Variants in ERC1 observed in about 807,000 individuals in gnomAD.
ERC1 encodes the protein ELKS/RAB6-interacting/CAST family member 1.
Under a neutral mutation model 132.0 loss-of-function variants are expected in ERC1, and 56 were observed. That is an observed-to-expected ratio of 0.42 (90% CI 0.34 to 0.53). The LOEUF is 0.53. Ranked by LOEUF, ERC1 falls within the 20% of genes least tolerant of loss-of-function variation. ERC1 has a pLI of 0.03. For missense variants in ERC1, 1,202 were observed against 1,349.9 expected, an observed-to-expected ratio of 0.89 and a Z score of 1.72; for synonymous variants, 478 against 476.1, an observed-to-expected ratio of 1.00 and a Z score of -0.05.
intron 7 of ERC1, among the ~76,000 whole-genome samples, chr12:1,127,012 A>AAAAAAAAAAAC (rs1566033121): frequency 1.3e-5 from 2 of 149,392 alleles, no homozygotes; most frequent in Non-Finnish European, 3.0e-5. Flanking sequence ...AAAAAAAAAA[A>AAAAAAAAAAAC]ACCTCAAAAA....
At chr12:1,181,133 C>T (rs891454354) in intron 9 of ERC1, among the ~76,000 whole-genome samples, 16 of 152,164 alleles carry the variant, frequency 1.1e-4, no homozygotes, top group African/African-American at 3.4e-4. Flanking sequence ...GATTTTCAAA[C>T]TTCTTGAGTA....
Position 1,093,271 on chromosome 12 carries a change from CA to C in ERC1, c.1086+9692del, listed in dbSNP as rs1478178812. ...GTATTTTCTGTTTGTACTCAAATCA[CA>C]TTGTTGTTTGACCGCTTATTCTTAG... On this transcript the variant is annotated intron_variant, in intron 3 of 18. Coordinates refer to ENST00000360905, the MANE Select transcript of ERC1 (RefSeq NM_178040.4). 1.1e-4 allele frequency among the ~76,000 whole-genome samples: 17 copies of C among 149,660 alleles called. No individual in the cohort carries two copies. In the East Asian group the frequency reaches 2.5e-3, roughly 22 times the overall value.
chr12:1,480,340 C>T lies in ERC1; in HGVS notation c.3214-9753C>T, dbSNP rs1396854643. Among the ~76,000 whole-genome samples the T allele has an allele frequency of 3.9e-5, 6 of 152,124 alleles. No individual in the cohort carries two copies. The East Asian group carries it at 5.8e-4, about 15-fold the overall frequency. On this transcript the variant is annotated intron_variant, in intron 18 of 18. Coordinates refer to ENST00000360905, the MANE Select transcript of ERC1 (RefSeq NM_178040.4). ...TTTTAGATACAAGGTTTTCAGCACA[C>T]GCACAGAAGATGGCATCTGCACATC... is the stretch of plus-strand genomic sequence containing the variant.
chr12:1,155,302 G>A (rs1229569148), intron 8 of ERC1, among the ~76,000 whole-genome samples: 8 of 125,050 alleles, frequency 6.4e-5, no homozygotes, highest in Admixed American at 3.0e-4. Flanking sequence ...CTCACAGGGC[G>A]AGACTTCATC....
At chr12:1,347,504 G>A (rs1422710992) in intron 15 of ERC1, among the ~76,000 whole-genome samples, 1 of 152,028 alleles carries the variant, frequency 6.6e-6, no homozygotes. Context: ...TCTATACTCA[G>A]CAATTTTCAA....
At chr12:1,438,970 T>A (rs2093026964) in intron 17 of ERC1, among the ~76,000 whole-genome samples, 2 of 145,176 alleles carry the variant, frequency 1.4e-5, no homozygotes, top group African/African-American at 2.8e-5. Flanking sequence ...TATATATATA[T>A]AAAAAATGAC....
chr12:1,129,314 CAACAACAACAAAACT>C (rs900701172), intron 7 of ERC1, among the ~76,000 whole-genome samples: 2 of 17,338 alleles, frequency 1.2e-4, no homozygotes, highest in African/African-American at 1.2e-4. Context: ...CCACAAACAA[CAACAACAACAAAACT>C]AACAACAACA....
chr12:1,296,182 G>C (rs1227936282), intron 15 of ERC1, among the ~76,000 whole-genome samples: 1 of 151,956 alleles, frequency 6.6e-6, no homozygotes, highest in Admixed American at 6.6e-5. Context: ...TTAAATACCA[G>C]CCAGGTGTGG....
At chr12:1,413,458 A>C (rs1265934322) in intron 17 of ERC1, among the ~76,000 whole-genome samples, 1 of 152,000 alleles carries the variant, frequency 6.6e-6, no homozygotes, top group African/African-American at 2.4e-5. Context: ...GCTGGGTGTC[A>C]TGGCAGGCAC....
At chr12:1,237,023 C>A in intron 13 of ERC1, 119 bp downstream of exon 13, 1 of 1,218,564 alleles carries the variant, frequency 8.2e-7, no homozygotes, top group Non-Finnish European at 1.1e-6. Flanking sequence ...TGCTTGCTGC[C>A]TTCCTCTCAG....
chr12:1,308,416 T>G (rs772368604), intron 15 of ERC1, among the ~76,000 whole-genome samples: 4 of 152,200 alleles, frequency 2.6e-5, no homozygotes, highest in Admixed American at 6.5e-5. Flanking sequence ...ATGCATAAAT[T>G]GAAAGAATAC....
intron 13 of ERC1, among the ~76,000 whole-genome samples, chr12:1,240,328 G>A (rs144680115): frequency 9.9e-4 from 151 of 152,182 alleles, no homozygotes; most frequent in African/African-American, 3.4e-3. Context: ...GTGACATGGG[G>A]TGTATGATAT....
chr12:1,453,853 G>A (rs995202417), intron 18 of ERC1, among the ~76,000 whole-genome samples: 1 of 151,984 alleles, frequency 6.6e-6, no homozygotes, highest in Non-Finnish European at 1.5e-5. Flanking sequence ...GTATGATATT[G>A]TGATATAATA....
intron 18 of ERC1, among the ~76,000 whole-genome samples, chr12:1,485,206 T>C (rs1165754860): frequency 7.3e-6 from 1 of 137,150 alleles, no homozygotes; most frequent in Non-Finnish European, 1.6e-5. Context: ...TATTTCTTTT[T>C]TTTTTTTTTT....
intron 1 of ERC1, among the ~76,000 whole-genome samples, chr12:1,027,025 A>G (rs1967003391): frequency 6.6e-6 from 1 of 152,222 alleles, no homozygotes; most frequent in African/African-American, 2.4e-5. Context: ...CTCATCCATG[A>G]ACACAGATAA....
chr12:1,092,647 A>T (rs778487164), intron 3 of ERC1, among the ~76,000 whole-genome samples: 5 of 152,168 alleles, frequency 3.3e-5, no homozygotes, highest in Non-Finnish European at 2.9e-5. Flanking sequence ...AAAAAAACTA[A>T]CTCTTGCAAT....
chr12:1,376,120 G>A (rs894689014), intron 16 of ERC1, among the ~76,000 whole-genome samples: 5 of 152,150 alleles, frequency 3.3e-5, no homozygotes, highest in African/African-American at 9.7e-5. Flanking sequence ...CCAGCACATG[G>A]CGTTCCACTC....
chr12:1,372,121 G>T, intron 16 of ERC1, 144 bp downstream of exon 16: 1 of 1,059,598 alleles, frequency 9.4e-7, no homozygotes, highest in South Asian at 1.9e-5. Context: ...CATCATTAGA[G>T]ACTTTTTATC....
At chr12:1,244,130 C>T (rs1322503399) in intron 13 of ERC1, among the ~76,000 whole-genome samples, 2 of 152,028 alleles carry the variant, frequency 1.3e-5, no homozygotes, top group Non-Finnish European at 2.9e-5. Flanking sequence ...CACATAATTC[C>T]AGATTGAAGT....
Sources: gnomAD v4.1 joint callset for allele counts (sites outside exome capture counted in the v4.1 genomes callset) on GRCh38, gnomAD v4.1.1 for gene constraint, MANE v1.5 for transcripts, NCBI Gene and HGNC (gene_info 2026-07-23, HGNC 2026-07-21) for gene names.